TAF4B: variants seen among roughly 807,000 people sequenced by gnomAD.
TAF4B encodes the protein transcription initiation factor TFIID subunit 4B.
Under a neutral mutation model 86.4 loss-of-function variants are expected in TAF4B, and 38 were observed. The ratio of observed to expected loss-of-function variants is 0.44; its 90% CI spans 0.34 to 0.58. The LOEUF is 0.58. TAF4B is among the 20% of genes least tolerant of loss of function. TAF4B has a pLI of 0.02. For synonymous variants in TAF4B, 388 were observed against 391.2 expected (o/e 0.99, Z 0.10); for missense variants, 988 against 1,027.6 (o/e 0.96, Z 0.53).
chr18:26,283,021 A>G (rs144322358), intron 6 of TAF4B, among the ~76,000 whole-genome samples: 1 of 152,222 alleles, frequency 6.6e-6, no homozygotes, highest in African/African-American at 2.4e-5. Flanking sequence ...TATTTCTAGC[A>G]TATCTGCAGT....
At chr18:26,302,907 ATC>A (rs889858744) in intron 9 of TAF4B, among the ~76,000 whole-genome samples, 1 of 151,618 alleles carries the variant, frequency 6.6e-6, no homozygotes, top group Non-Finnish European at 1.5e-5. Context: ...AATCTTTTTT[ATC>A]TCTATTTCAT....
intron 9 of TAF4B, among the ~76,000 whole-genome samples, chr18:26,299,325 G>T (rs2056703662): frequency 6.6e-6 from 1 of 152,072 alleles, no homozygotes; most frequent in Admixed American, 6.6e-5. Context: ...GGTGGTCATT[G>T]ATTTTTCTTA....
intron 12 of TAF4B, among the ~76,000 whole-genome samples, chr18:26,334,899 A>T (rs963462216): frequency 6.6e-6 from 1 of 151,970 alleles, no homozygotes; most frequent in Non-Finnish European, 1.5e-5. Context: ...CAGTGTTCCT[A>T]CAAGAACAAC....
chr18:26,296,360 T>C (rs1376332937), intron 9 of TAF4B, among the ~76,000 whole-genome samples: 1 of 152,184 alleles, frequency 6.6e-6, no homozygotes, highest in African/African-American at 2.4e-5. Flanking sequence ...TGGGAACACC[T>C]TTTTAGCATT....
At chr18:26,280,346 G>T (rs1157350411) in intron 5 of TAF4B, among the ~76,000 whole-genome samples, 1 of 152,192 alleles carries the variant, frequency 6.6e-6, no homozygotes, top group East Asian at 1.9e-4. Context: ...CTTCTGCACA[G>T]CAGAAGATAC....
At chr18:26,283,206 C>T (rs1034981279) in intron 6 of TAF4B, among the ~76,000 whole-genome samples, 3 of 152,202 alleles carry the variant, frequency 2.0e-5, no homozygotes, top group East Asian at 1.9e-4. Context: ...ACTTTGCCCC[C>T]GGATTCATCA....
chr18:26,245,886 C>A (rs575981318), intron 1 of TAF4B, among the ~76,000 whole-genome samples: 3 of 152,138 alleles, frequency 2.0e-5, no homozygotes, highest in Non-Finnish European at 4.4e-5. Context: ...CTTGCCTATT[C>A]GCAGGCGTTG....
In TAF4B at chr18:26,263,728, T is replaced by TC. The variant is rs2056201063; in HGVS notation, c.344-1442_344-1441insC. The stretch of plus-strand genomic sequence containing the variant: ...TTCTCTCTTTCTCTCTCTCTCTCTC[T>TC]TTTTTGAGACAGGGTCTTGCTCTGT... On this transcript the variant is annotated intron_variant, in intron 1 of 14. Coordinates refer to ENST00000269142, the MANE Select transcript of TAF4B (RefSeq NM_005640.3). 5.9e-5 allele frequency among the ~76,000 whole-genome samples: 9 copies of TC among 152,008 alleles called. No individual in the cohort carries two copies. The South Asian group carries it at 1.0e-3, about 18-fold the overall frequency.
chr18:26,363,502 GC>G (rs1369915521), intron 14 of TAF4B, among the ~76,000 whole-genome samples: 2 of 151,614 alleles, frequency 1.3e-5, no homozygotes, highest in Admixed American at 1.3e-4. Flanking sequence ...CTGTGATCAG[GC>G]CACTGCACTC....
intron 1 of TAF4B, among the ~76,000 whole-genome samples, chr18:26,231,957 C>A (rs1374617091): frequency 6.6e-6 from 1 of 152,098 alleles, no homozygotes; most frequent in Non-Finnish European, 1.5e-5. Flanking sequence ...TTTCAGTTCT[C>A]CCTGTGATTG....
intron 9 of TAF4B, among the ~76,000 whole-genome samples, chr18:26,308,475 A>T (rs1041921650): frequency 3.3e-5 from 5 of 152,146 alleles, no homozygotes; most frequent in Admixed American, 3.3e-4. Context: ...TAGGTAGGAG[A>T]TAGGGCATAT....
At chr18:26,266,881 A>G (rs1260147656) in intron 2 of TAF4B, 2 of 151,342 alleles carry the variant, frequency 1.3e-5, no homozygotes, top group African/African-American at 4.9e-5. Flanking sequence ...CAAAAAAAAC[A>G]AACAAAAATT....
intron 11 of TAF4B, among the ~76,000 whole-genome samples, chr18:26,324,277 A>C (rs770641965): frequency 1.1e-4 from 17 of 152,296 alleles, no homozygotes; most frequent in Middle Eastern, 3.4e-3. Flanking sequence ...TCAGAGATAC[A>C]TGAATACCTT....
chr18:26,309,074 T>C (rs76452710), intron 9 of TAF4B, among the ~76,000 whole-genome samples: 245 of 151,866 alleles, frequency 1.6e-3, no homozygotes, highest in African/African-American at 5.9e-3. Flanking sequence ...ATAAAATCTC[T>C]GGGGATTGGG....
chr18:26,265,117 T>G, intron 1 of TAF4B, 53 bp from the exon 2 acceptor site: 1 of 1,550,440 alleles, frequency 6.4e-7, no homozygotes, highest in Non-Finnish European at 8.7e-7. Flanking sequence ...TATGTGATGG[T>G]TATGCTGTAT....
At position 26,346,861 on chromosome 18, in the gene TAF4B, G is replaced by GTGTATA. The variant is rs1555623686; in HGVS notation, c.2317-10828_2317-10827insGTATAT. On this transcript the variant is annotated intron_variant, in intron 13 of 14. Transcript: ENST00000269142. ...TGTGTGTGTGTATATATATATATGT[G>GTGTATA]TATATATATATATGTGTATATATAT... Among the ~76,000 whole-genome samples, 17 of 17,772 alleles carry GTGTATA rather than the reference G, an allele frequency of 9.6e-4. 1 individual carries two copies. The highest frequency in any genetic ancestry group is 8.3e-3 in the East Asian group (1 of 120). 11.7% of individuals were successfully genotyped at this position (17,772 alleles called of 152,430 possible). A position where few individuals can be genotyped will look rare whatever the true frequency, so the allele number is the denominator to read the frequency against.
At chr18:26,266,388 A>T (rs1196015525) in intron 2 of TAF4B, among the ~76,000 whole-genome samples, 1 of 152,116 alleles carries the variant, frequency 6.6e-6, no homozygotes, top group African/African-American at 2.4e-5. Flanking sequence ...CTGGGATTAC[A>T]GGCTGAGTAC....
At chr18:26,389,316 G>C (rs1041439920) in intron 14 of TAF4B, among the ~76,000 whole-genome samples, 6 of 152,362 alleles carry the variant, frequency 3.9e-5, no homozygotes, top group African/African-American at 1.2e-4. Context: ...CCTGCTCTGA[G>C]CAATGGGAAC....
intron 7 of TAF4B, among the ~76,000 whole-genome samples, chr18:26,287,221 C>T (rs1167066566): frequency 6.6e-6 from 1 of 152,096 alleles, no homozygotes; most frequent in African/African-American, 2.4e-5. Flanking sequence ...CCAAGCTGGT[C>T]TCAAACTCTT....
Sources: gnomAD v4.1 joint callset for allele counts (sites outside exome capture counted in the v4.1 genomes callset) on GRCh38, gnomAD v4.1.1 for gene constraint, MANE v1.5 for transcripts, NCBI Gene and HGNC (gene_info 2026-07-23, HGNC 2026-07-21) for gene names.